Variants in HSPG2 observed in about 807,000 individuals in gnomAD.
The protein encoded by HSPG2 is basement membrane-specific heparan sulfate proteoglycan core protein.
A neutral mutation model predicts 526.6 loss-of-function variants in HSPG2; 278 were observed. That is an observed-to-expected ratio of 0.53 (90% confidence interval 0.48 to 0.58). The LOEUF (loss-of-function observed/expected upper bound fraction) is 0.58. HSPG2 is among the 20% of genes least tolerant of loss of function. The pLI, the probability that HSPG2 is intolerant of heterozygous loss-of-function variation, is 0.00. For missense variants in HSPG2, 5,354 were observed against 6,099.5 expected (o/e 0.88, Z 4.07); for synonymous variants, 2,465 against 2,555.4 (o/e 0.96, Z 1.07).
Position 21,873,376 on chromosome 1 carries a change from C to G in HSPG2, c.3792G>C (p.Gln1264His), listed in dbSNP as rs1385882363. The change falls in exon 30 of 97, where the codon CAG (glutamine) becomes CAC (histidine). Residue 1264 changes from glutamine to histidine, a missense_variant and splice_region_variant. Gln to His is a conservative substitution (Grantham distance 24, BLOSUM62 0). Coordinates refer to ENST00000374695, the MANE Select transcript of HSPG2 (RefSeq NM_005529.7). ...AATGACCTCCCCAATCCTACTCACT[C>G]TGGCATGGCTGGCCCTGGCTGGGGT... ...YGNPSQGQPC[Q>H]RDSQVPGPIG... The G allele has an allele frequency of 6.2e-7, 1 of 1,614,224 alleles. No homozygotes were observed. The highest frequency in any genetic ancestry group is 2.2e-5 in the East Asian group (1 of 44,884).
intron 33 of HSPG2, among the ~76,000 whole-genome samples, chr1:21,869,862 G>C (rs1427867379): frequency 6.6e-6 from 1 of 152,246 alleles, no homozygotes; most frequent in Non-Finnish European, 1.5e-5. Flanking sequence ...ATCCCGGGAT[G>C]GGTTTGGCTG....
intron 33 of HSPG2, chr1:21,870,792 C>A (rs1158557719): frequency 6.1e-6 from 6 of 984,480 alleles, no homozygotes; most frequent in Non-Finnish European, 6.0e-6. Context: ...AGGCACCACG[C>A]CCCACCACAC....
At chr1:21,878,045 G>T (rs955441354) in intron 21 of HSPG2, 141 bp downstream of exon 21, 1 of 736,278 alleles carries the variant, frequency 1.4e-6, no homozygotes. Context: ...CGGAAGGCCG[G>T]TGGGCCAGGT....
chr1:21,832,926 G>A (rs1160555885), intron 80 of HSPG2: 3 of 558,304 alleles, frequency 5.4e-6, no homozygotes, highest in South Asian at 2.1e-5. Flanking sequence ...CGTAAGAGAC[G>A]AGAGAAAGAG....
In HSPG2 at chr1:21,851,863, G is replaced by A. The variant is rs139721678; in HGVS notation, c.6934C>T (p.Arg2312Trp). 18 of 1,613,036 alleles carry A rather than the reference G, an allele frequency of 1.1e-5. No individual in the cohort carries two copies. The African/African-American group carries it at 1.2e-4, about 11-fold the overall frequency. Residue 2312 changes from arginine (R) to tryptophan (W), a missense_variant, in exon 54 of 97, where the codon CGG becomes TGG. By Grantham distance (101) the Arg-to-Trp change is moderately radical. Coordinates refer to ENST00000374695, the MANE Select transcript of HSPG2 (RefSeq NM_005529.7). ...SPADAGQYVCRASNGMEASIT... is the reference protein window; with the variant it reads ...SPADAGQYVCWASNGMEASIT... ...GAGGCCTCCATGCCGTTGCTGGCCC[G>A]GCAGACGTACTGTCCCGCATCGGCA... is the stretch of plus-strand genomic sequence containing the variant.
At chr1:21,902,161 C>T (rs72870233) in intron 1 of HSPG2, among the ~76,000 whole-genome samples, 12,872 of 152,116 alleles carry the variant, frequency 0.085, 1,325 homozygotes, top group East Asian at 0.25. Context: ...GCTCAGAGCC[C>T]GACACAAAGG....
chr1:21,845,960 C>T, intron 64 of HSPG2, 148 bp downstream of exon 64: 2 of 949,426 alleles, frequency 2.1e-6, no homozygotes, highest in Non-Finnish European at 3.3e-6. Flanking sequence ...GGTCCTGGGA[C>T]CGTGTGGGTG....
In HSPG2 at chr1:21,885,001, C is replaced by T; in HGVS notation, c.1355+12G>A. 1 of 1,613,870 alleles carries T rather than the reference C, an allele frequency of 6.2e-7. No individual in the cohort carries two copies. The highest frequency in any genetic ancestry group is 8.5e-7 in the Non-Finnish European group (1 of 1,179,992). ...CTCATTCCCACCCCACCACCTGGGC[C>T]CAGAGCCGCACCTGGGATGAGAGGG... On this transcript the variant is annotated intron_variant, in intron 11 of 96. Transcript: ENST00000374695.
chr1:21,927,340 C>CTG (rs1342227037), intron 1 of HSPG2, among the ~76,000 whole-genome samples: 1 of 152,172 alleles, frequency 6.6e-6, no homozygotes, highest in Non-Finnish European at 1.5e-5. Context: ...ATCCCCAGGC[C>CTG]TGTGTGTCTC....
In HSPG2 at chr1:21,857,615, G is replaced by A. The variant is rs76494814; in HGVS notation, c.5294-230C>T. Among the ~76,000 whole-genome samples the A allele has an allele frequency of 0.035, 5,323 of 152,104 alleles. 217 individuals are homozygous for A. The highest frequency in any genetic ancestry group is 0.14 in the East Asian group (713 of 5,160). ...GTGGTTGGGGAACATCACACCATGG[G>A]TCCACTTGGCTCCAGTTCCTGATCA... On this transcript the variant is annotated intron_variant, in intron 42 of 96. Transcript: ENST00000374695.
rs773310194 is a variant in HSPG2, at chr1:21,864,436, C to T, written c.4627-223G>A. 2.6e-5 allele frequency among the ~76,000 whole-genome samples: 4 copies of T among 152,164 alleles called. No homozygotes were observed. The highest frequency in any genetic ancestry group is 4.8e-5 in the African/African-American group (2 of 41,434). On this transcript the variant is annotated intron_variant, in intron 36 of 96. Transcript: ENST00000374695. This position sits in a 1 kb window ranked among gnomAD's most constrained non-coding sequence, Gnocchi z 4.8. The stretch of plus-strand genomic sequence containing the variant: ...GGCATCTCTATGCTGTGCTTTGGGC[C>T]GGAGTAATCTGTGTTTCTGAATTGG...
intron 1 of HSPG2, among the ~76,000 whole-genome samples, chr1:21,913,934 G>A (rs1001125356): frequency 1.3e-5 from 2 of 152,172 alleles, no homozygotes; most frequent in Non-Finnish European, 2.9e-5. Context: ...AGTGCCTTCC[G>A]CCCTCAATTC....
rs1187134087 is a variant in HSPG2, at chr1:21,842,869, A to G, written c.8811T>C (p.Thr2937=). ...AGTTCAGATCCAGAGTCTGCCCTTCAGTCACGTGTGAAGAGGAGGCCTCGA... is the reference window on the plus strand; with the variant it reads ...AGTTCAGATCCAGAGTCTGCCCTTCGGTCACGTGTGAAGAGGAGGCCTCGA... ...IYIEASSSHV[T]EGQTLDLNCV... The change falls in exon 67 of 97, where the codon ACT becomes ACC. Residue 2937 remains threonine (T), a synonymous_variant. Coordinates refer to ENST00000374695, the MANE Select transcript of HSPG2 (RefSeq NM_005529.7). 6.2e-7 allele frequency: 1 copy of G among 1,613,956 alleles called. No individual in the cohort carries two copies. The highest frequency in any genetic ancestry group is 1.7e-5 in the Admixed American group (1 of 59,998).
At chr1:21,875,347 A>T in intron 25 of HSPG2, 1 of 598,684 alleles carries the variant, frequency 1.7e-6, no homozygotes. Flanking sequence ...GGCTGGGGCT[A>T]GACTTGACCT....
rs1641022808 is a variant in HSPG2 at position 21,875,874 on chromosome 1, G to T, written c.3172C>A (p.Pro1058Thr). ...ACAGTATTGCTCACCTCCCGGAAAG[G>T]CACAATGAAGGTGCTGGGCTGGCCG... The part of the protein sequence containing the change: ...SPGQPSTFIV[P>T]FREQAWQRPD... The change falls in exon 24 of 97, where the codon CCT becomes ACT. Residue 1058 changes from proline to threonine, a missense_variant. Coordinates refer to ENST00000374695, the MANE Select transcript of HSPG2 (RefSeq NM_005529.7). 2 of 1,614,006 alleles carry T rather than the reference G, an allele frequency of 1.2e-6. No homozygotes were observed. Among genetic ancestry groups the T allele is most frequent in the Non-Finnish European group, 1.7e-6 (2 of 1,180,016 alleles).
chr1:21,841,307 A>T lies in HSPG2; in HGVS notation c.9329-22T>A, dbSNP rs1266057883. 1.9e-6 allele frequency: 3 copies of T among 1,612,620 alleles called. No individual in the cohort carries two copies. The Admixed American group carries it at 5.0e-5, about 27-fold the overall frequency. On this transcript the variant is annotated intron_variant, in intron 70 of 96. Coordinates refer to ENST00000374695, the MANE Select transcript of HSPG2 (RefSeq NM_005529.7). ...GGCCCTGTGCGGAGGAATGACAACCACTGACACACAGGCAGGGCTCTGCTG... is the reference window on the plus strand; with the variant it reads ...GGCCCTGTGCGGAGGAATGACAACCTCTGACACACAGGCAGGGCTCTGCTG...
rs6701152 is a variant in HSPG2 at position 21,893,642 on chromosome 1, C to A, written c.244+2280G>T. 6.6e-6 allele frequency among the ~76,000 whole-genome samples: 1 copy of A among 151,746 alleles called. No individual in the cohort carries two copies. Among genetic ancestry groups the A allele is most frequent in the Non-Finnish European group, 1.5e-5 (1 of 67,936 alleles). On this transcript the variant is annotated intron_variant, in intron 3 of 96. Coordinates refer to ENST00000374695, the MANE Select transcript of HSPG2 (RefSeq NM_005529.7). This position sits in a 1 kb window ranked among gnomAD's most constrained non-coding sequence, Gnocchi z 4.3. ...GACCATCATGCCAGCCACGGGCGGG[C>A]GGCCCAGGGGCTGCCCTGAGCCTGC...
intron 85 of HSPG2, chr1:21,830,742 T>A: frequency 7.9e-6 from 2 of 254,476 alleles, no homozygotes; most frequent in South Asian, 6.7e-5. Flanking sequence ...AGTGCCTGGG[T>A]GGCGGGGTAG....
At chr1:21,907,285 C>A (rs1643431389) in intron 1 of HSPG2, among the ~76,000 whole-genome samples, 1 of 152,174 alleles carries the variant, frequency 6.6e-6, no homozygotes, top group Admixed American at 6.5e-5. Context: ...GGGCCGGCGA[C>A]CATGCAGGTA....
Sources: gnomAD v4.1 joint callset for allele counts (sites outside exome capture counted in the v4.1 genomes callset) on GRCh38, gnomAD v4.1.1 for gene constraint, Gnocchi (gnomAD v3.1) non-coding constraint, MANE v1.5 for transcripts, NCBI Gene and HGNC (gene_info 2026-07-23, HGNC 2026-07-21) for gene names.